Variants in FGF12 observed in about 807,000 individuals in gnomAD.
FGF12 encodes the protein fibroblast growth factor 12.
Under a neutral mutation model 23.6 loss-of-function variants are expected in FGF12, and 14 were observed. The ratio of observed to expected loss-of-function variants is 0.59; its 90% CI spans 0.39 to 0.93. The LOEUF (loss-of-function observed/expected upper bound fraction) is 0.93, where lower values mean the gene tolerates loss of function less well. Ranked by LOEUF, FGF12 falls within the 40% of genes least tolerant of loss-of-function variation. FGF12 has a pLI of 0.00. For synonymous variants in FGF12, 62 were observed against 77.3 expected, an observed-to-expected ratio of 0.80 and a Z score of 1.04; for missense variants, 175 against 217.8, an observed-to-expected ratio of 0.80 and a Z score of 1.24.
chr3:192,513,640 AG>A (rs1356838233), intron 2 of FGF12, among the ~76,000 whole-genome samples: 1 of 152,240 alleles, frequency 6.6e-6, no homozygotes, highest in Admixed American at 6.5e-5. Flanking sequence ...TAACATATGG[AG>A]TTTTAAACAC....
intron 2 of FGF12, among the ~76,000 whole-genome samples, chr3:192,363,881 A>C (rs1718854643): frequency 6.6e-6 from 1 of 152,220 alleles, no homozygotes; most frequent in African/African-American, 2.4e-5. Context: ...TTGGGGACCC[A>C]AGATATGAAG....
In FGF12 at chr3:192,432,492, C is replaced by T. The variant is rs146804022; in HGVS notation, c.14-71954G>A. 4.8e-3 allele frequency among the ~76,000 whole-genome samples: 732 copies of T among 151,968 alleles called. 8 individuals are homozygous for T. Among genetic ancestry groups the T allele is most frequent in the African/African-American group, 0.017 (703 of 41,446 alleles). ...TCTCTGGATTGTGTTGTGTAAGACC[C>T]CTCCTTAGCAGATCAGAGAGAGAGT... On this transcript the variant is annotated intron_variant, in intron 2 of 5. Coordinates refer to ENST00000445105, the MANE Select transcript of FGF12 (RefSeq NM_004113.6).
At chr3:192,538,710 G>A (rs1396982497) in intron 2 of FGF12, among the ~76,000 whole-genome samples, 1 of 152,120 alleles carries the variant, frequency 6.6e-6, no homozygotes, top group Non-Finnish European at 1.5e-5. Flanking sequence ...CTTGCATGGA[G>A]TCTGTACATT....
intron 2 of FGF12, among the ~76,000 whole-genome samples, chr3:192,667,514 G>A (rs545202027): frequency 5.9e-4 from 89 of 151,346 alleles, no homozygotes; most frequent in Non-Finnish European, 1.1e-3. Flanking sequence ...GAAGGCTGCG[G>A]CAGGAGCATC....
At chr3:192,349,299 C>T in intron 3 of FGF12, among the ~76,000 whole-genome samples, 1 of 152,060 alleles carries the variant, frequency 6.6e-6, no homozygotes, top group East Asian at 1.9e-4. Context: ...TAGAGCAAAT[C>T]AACTCTCACT....
At chr3:192,499,506 ATATATATATATTTTTTTTTTTT>A (rs1296403891) in intron 2 of FGF12, among the ~76,000 whole-genome samples, 97 of 30,376 alleles carry the variant, frequency 3.2e-3, no homozygotes, top group African/African-American at 0.014. Flanking sequence ...ATATATATAT[ATATATATATATTTTTTTTTTTT>A]TTTTTTTTTT....
At chr3:192,334,473 T>A (rs540527703) in intron 4 of FGF12, among the ~76,000 whole-genome samples, 1 of 152,204 alleles carries the variant, frequency 6.6e-6, no homozygotes, top group South Asian at 2.1e-4. Flanking sequence ...TTCAAGGAAT[T>A]TTTTTCATGA....
At position 192,408,426 on chromosome 3, in the gene FGF12, A is replaced by C. The variant is rs1476384676; in HGVS notation, c.14-47888T>G. On this transcript the variant is annotated intron_variant, in intron 2 of 5. Coordinates refer to ENST00000445105, the MANE Select transcript of FGF12 (RefSeq NM_004113.6). The surrounding 1 kb of genome is among the most constrained non-coding windows in gnomAD (Gnocchi z 7.3). ...GGCAGTGGCGACAAAATGTGTGAAA[A>C]TCCAGATGTAAACTTCCCCAACCTC... 1 of 1,396,214 alleles carries C rather than the reference A, an allele frequency of 7.2e-7. No homozygotes were observed. Among genetic ancestry groups the C allele is most frequent in the Admixed American group, 3.3e-5 (1 of 30,452 alleles). The allele number at this position is 1,396,214 out of a possible 1,614,324, so 86.5% of individuals were successfully genotyped here. A position where few individuals can be genotyped will look rare whatever the true frequency, so the allele number is the denominator to read the frequency against.
chr3:192,395,914 C>T (rs1720498578), intron 2 of FGF12, among the ~76,000 whole-genome samples: 1 of 152,096 alleles, frequency 6.6e-6, no homozygotes, highest in African/African-American at 2.4e-5. Flanking sequence ...CATCTATAAA[C>T]TAAAAGAACT....
chr3:192,645,854 A>C (rs1453895506), intron 2 of FGF12, among the ~76,000 whole-genome samples: 1 of 151,902 alleles, frequency 6.6e-6, no homozygotes, highest in Non-Finnish European at 1.5e-5. Context: ...CATACAAGCA[A>C]ATCCACGATA....
chr3:192,370,937 T>G (rs1182695221), intron 2 of FGF12, among the ~76,000 whole-genome samples: 3 of 152,168 alleles, frequency 2.0e-5, no homozygotes, highest in African/African-American at 7.2e-5. Flanking sequence ...TTAATGAAAG[T>G]GTGGGTGAAG....
intron 2 of FGF12, among the ~76,000 whole-genome samples, chr3:192,559,106 A>G (rs1329765433): frequency 6.6e-6 from 1 of 151,956 alleles, no homozygotes; most frequent in Non-Finnish European, 1.5e-5. Flanking sequence ...ATGGGACTAC[A>G]TCAAACTAAA....
At chr3:192,211,499 C>A (rs1397662784) in intron 4 of FGF12, among the ~76,000 whole-genome samples, 2 of 132,614 alleles carry the variant, frequency 1.5e-5, no homozygotes, top group African/African-American at 6.0e-5. Context: ...AATCTCGGCT[C>A]ACTGCAAGCT....
At chr3:192,672,022 C>T (rs182402839) in intron 2 of FGF12, among the ~76,000 whole-genome samples, 47 of 152,328 alleles carry the variant, frequency 3.1e-4, no homozygotes, top group Admixed American at 7.2e-4. Flanking sequence ...AGACAGAGTG[C>T]GGCTTACTCA....
intron 2 of FGF12, among the ~76,000 whole-genome samples, chr3:192,464,021 A>C (rs1722936871): frequency 6.6e-6 from 1 of 152,066 alleles, no homozygotes; most frequent in African/African-American, 2.4e-5. Context: ...TCTTGACTAC[A>C]AATTAGAGGC....
At chr3:192,664,596 AAAAAAATAC>A (rs1268658226) in intron 2 of FGF12, among the ~76,000 whole-genome samples, 3 of 140,532 alleles carry the variant, frequency 2.1e-5, no homozygotes, top group East Asian at 4.2e-4. Flanking sequence ...TAAAAATACA[AAAAAAATAC>A]AAAAAAAAAA....
At chr3:192,575,654 C>CT (rs61382312) in intron 2 of FGF12, among the ~76,000 whole-genome samples, 30,567 of 150,432 alleles carry the variant, frequency 0.2, 3,238 homozygotes, top group Middle Eastern at 0.33. Flanking sequence ...TTTGCTAATG[C>CT]TTTTTTTTTG....
intron 5 of FGF12, among the ~76,000 whole-genome samples, chr3:192,148,986 T>A (rs377113763): frequency 6.6e-6 from 1 of 152,128 alleles, no homozygotes; most frequent in African/African-American, 2.4e-5. Flanking sequence ...AGGGAGGTGA[T>A]GACGAATAAG....
intron 2 of FGF12, among the ~76,000 whole-genome samples, chr3:192,382,814 C>A (rs2710780): frequency 1.3e-5 from 2 of 152,194 alleles, no homozygotes; most frequent in Admixed American, 6.5e-5. Context: ...ATATTTAAAA[C>A]TTTTCACTTT....
Sources: gnomAD v4.1 joint callset for allele counts (sites outside exome capture counted in the v4.1 genomes callset) on GRCh38, gnomAD v4.1.1 for gene constraint, Gnocchi (gnomAD v3.1) non-coding constraint, MANE v1.5 for transcripts, NCBI Gene and HGNC (gene_info 2026-07-23, HGNC 2026-07-21) for gene names.